SLC25A33: variants seen among roughly 807,000 people sequenced by gnomAD.
The protein encoded by SLC25A33 is solute carrier family 25 member 33.
In SLC25A33, 15 loss-of-function variants were observed where a neutral mutation model predicts 35.5. The observed-to-expected ratio is 0.42, with a 90% CI of 0.28 to 0.65. The LOEUF is 0.65. Among genes scored for constraint, SLC25A33 ranks in the 30% least tolerant of loss-of-function variants. The probability of loss-of-function intolerance (pLI) is 0.20; values close to 1 mark genes in which losing one functional copy is unlikely to be tolerated. For synonymous variants in SLC25A33, 136 were observed against 148.7 expected (o/e 0.91, Z 0.62); for missense variants, 257 against 398.5 (o/e 0.64, Z 3.02).
At chr1:9,567,961 A>C (rs1423131650) in intron 3 of SLC25A33, among the ~76,000 whole-genome samples, 1 of 152,238 alleles carries the variant, frequency 6.6e-6, no homozygotes, top group Non-Finnish European at 1.5e-5. Context: ...TCAGTTGCTC[A>C]GTCTTCATGT....
In SLC25A33 at chr1:9,573,427, G is replaced by T; in HGVS notation, c.482+15G>T. ...CTAGAACAGAAGTAAGTTATTATTT[G>T]TTCCTTCCTTAATGAAAGGATTTTT... On this transcript the variant is annotated intron_variant, in intron 5 of 6. Coordinates refer to ENST00000302692, the MANE Select transcript of SLC25A33 (RefSeq NM_032315.3). 2 of 1,603,174 alleles carry T rather than the reference G, an allele frequency of 1.2e-6. No homozygotes were observed. Among genetic ancestry groups the T allele is most frequent in the Non-Finnish European group, 1.7e-6 (2 of 1,173,044 alleles).
At chr1:9,558,097 G>C (rs1300257202) in intron 2 of SLC25A33, among the ~76,000 whole-genome samples, 1 of 152,154 alleles carries the variant, frequency 6.6e-6, no homozygotes, top group Non-Finnish European at 1.5e-5. Flanking sequence ...TTAGAGAAGA[G>C]GACATGCAGG....
intron 5 of SLC25A33, 36 bp downstream of exon 5, chr1:9,573,448 T>C: frequency 6.4e-7 from 1 of 1,561,832 alleles, no homozygotes; most frequent in Non-Finnish European, 8.8e-7. Flanking sequence ...AATGAAAGGA[T>C]TTTTGGGATT....
intron 1 of SLC25A33, among the ~76,000 whole-genome samples, chr1:9,540,471 A>T (rs1163073760): frequency 6.6e-6 from 1 of 152,060 alleles, no homozygotes; most frequent in Non-Finnish European, 1.5e-5. Context: ...ATGCATTTTT[A>T]GGAGGTTGAG....
Position 9,582,842 on chromosome 1 carries a change from C to A in SLC25A33, c.*341C>A. 4.5e-6 allele frequency: 1 copy of A among 219,898 alleles called. No individual in the cohort carries two copies. Among genetic ancestry groups the A allele is most frequent in the Non-Finnish European group, 9.0e-6 (1 of 111,222 alleles). The allele number at this position is 219,898 out of a possible 1,614,324, so 13.6% of individuals were successfully genotyped here. A position where few individuals can be genotyped will look rare whatever the true frequency, so the allele number is the denominator to read the frequency against. On this transcript the variant is annotated 3_prime_UTR_variant, in exon 7 of 7. Coordinates refer to ENST00000302692, the MANE Select transcript of SLC25A33 (RefSeq NM_032315.3). The surrounding 1 kb of genome is among the most constrained non-coding windows in gnomAD (Gnocchi z 4.0). ...ACTTAAGTAATTCAGATAAACCTGCCCTAGAACTGCAGAGAAAAATGATAA... is the reference window on the plus strand; with the variant it reads ...ACTTAAGTAATTCAGATAAACCTGCACTAGAACTGCAGAGAAAAATGATAA...
chr1:9,556,103 G>C, intron 2 of SLC25A33: 1 of 748,350 alleles, frequency 1.3e-6, no homozygotes, highest in East Asian at 1.3e-4. Flanking sequence ...TTTGCTCTCA[G>C]GACAGATCCG....
At position 9,546,743 on chromosome 1, in the gene SLC25A33, G is replaced by T. The variant is rs181885305; in HGVS notation, c.57-6883G>T. Among the ~76,000 whole-genome samples the T allele has an allele frequency of 1.3e-4, 20 of 152,094 alleles. No individual in the cohort carries two copies. The East Asian group carries it at 3.7e-3, about 28-fold the overall frequency. ...GTAATAGAAGATTCAACTTCAAACCGGCTTGCTTATGGGTACAAAAACCTG... is the reference window on the plus strand; with the variant it reads ...GTAATAGAAGATTCAACTTCAAACCTGCTTGCTTATGGGTACAAAAACCTG... On this transcript the variant is annotated intron_variant, in intron 1 of 6. Transcript: ENST00000302692.
intron 1 of SLC25A33, among the ~76,000 whole-genome samples, chr1:9,546,149 T>C (rs575944193): frequency 6.6e-6 from 1 of 151,416 alleles, no homozygotes; most frequent in Non-Finnish European, 1.5e-5. Flanking sequence ...AGATGTTTGC[T>C]GTGAAGGGAA....
chr1:9,576,659 G>T (rs1643664973), intron 5 of SLC25A33: 2 of 624,508 alleles, frequency 3.2e-6, no homozygotes, highest in East Asian at 4.0e-5. Context: ...ACGATCAAGG[G>T]TGTTACACTG....
chr1:9,562,901 TACTTTTTA>T (rs1643445084), intron 2 of SLC25A33, among the ~76,000 whole-genome samples: 1 of 149,234 alleles, frequency 6.7e-6, no homozygotes, highest in African/African-American at 2.4e-5. Flanking sequence ...TCTGACTTAC[TACTTTTTA>T]AAATAATAGC....
At chr1:9,563,270 A>G (rs914147021) in intron 2 of SLC25A33, among the ~76,000 whole-genome samples, 5 of 152,194 alleles carry the variant, frequency 3.3e-5, no homozygotes, top group African/African-American at 4.8e-5. Context: ...GTGAATAGAC[A>G]TAGTTTTACT....
Position 9,577,539 on chromosome 1 carries a change from CAG to C in SLC25A33, c.483-2414_483-2413del, listed in dbSNP as rs557345549. Among the ~76,000 whole-genome samples, 15 of 152,154 alleles carry C rather than the reference CAG, an allele frequency of 9.9e-5. No homozygotes were observed. The South Asian group carries it at 1.9e-3, about 19-fold the overall frequency. On this transcript the variant is annotated intron_variant, in intron 5 of 6. Coordinates refer to ENST00000302692, the MANE Select transcript of SLC25A33 (RefSeq NM_032315.3). ...TGGTTAGTTCTGGGGAGCCGTAAGA[CAG>C]GGAGTGTAGTTGGCGTGTAGTACGT...
At chr1:9,548,757 T>C (rs1643216471) in intron 1 of SLC25A33, among the ~76,000 whole-genome samples, 1 of 152,222 alleles carries the variant, frequency 6.6e-6, no homozygotes, top group Non-Finnish European at 1.5e-5. Context: ...ATTTTCCAAC[T>C]ATGTGAGGCT....
chr1:9,577,621 GCCCGATCCTT>G (rs1643679816), intron 5 of SLC25A33, among the ~76,000 whole-genome samples: 1 of 152,156 alleles, frequency 6.6e-6, no homozygotes, highest in Admixed American at 6.6e-5. Context: ...GAGCAGGGGA[GCCCGATCCTT>G]CCCAGGCCTG....
chr1:9,567,453 G>A, intron 3 of SLC25A33, 92 bp downstream of exon 3: 2 of 1,183,170 alleles, frequency 1.7e-6, no homozygotes, highest in East Asian at 2.4e-5. Context: ...AATGACCAGT[G>A]TCTTTTTCTA....
At chr1:9,551,251 T>C (rs1222745064) in intron 1 of SLC25A33, among the ~76,000 whole-genome samples, 2 of 151,992 alleles carry the variant, frequency 1.3e-5, no homozygotes, top group Non-Finnish European at 2.9e-5. Context: ...CTGGGACCTG[T>C]AGTCCCAACT....
intron 4 of SLC25A33, among the ~76,000 whole-genome samples, chr1:9,571,438 C>T (rs1025532050): frequency 3.3e-5 from 5 of 151,838 alleles, no homozygotes; most frequent in African/African-American, 1.2e-4. Flanking sequence ...GGACTATAGG[C>T]ACGTGTCACC....
chr1:9,567,378 C>T lies in SLC25A33; in HGVS notation c.314+17C>T. The T allele has an allele frequency of 6.2e-7, 1 of 1,610,424 alleles. No individual in the cohort carries two copies. The highest frequency in any genetic ancestry group is 1.3e-5 in the African/African-American group (1 of 74,978). On this transcript the variant is annotated intron_variant, in intron 3 of 6. Transcript: ENST00000302692. Reference sequence around the variant, plus strand: ...ACCATCAAGGTAAGCATTAAACTTTCCAGCTAGCTCATGCTAAGCAGTATG... The same window carrying T: ...ACCATCAAGGTAAGCATTAAACTTTTCAGCTAGCTCATGCTAAGCAGTATG...
In SLC25A33 at chr1:9,562,285, C is replaced by G. The variant is rs866271943; in HGVS notation, c.237-4999C>G. Among the ~76,000 whole-genome samples, 11 of 139,256 alleles carry G rather than the reference C, an allele frequency of 7.9e-5. 1 individual carries two copies. The highest frequency in any genetic ancestry group is 1.5e-4 in the Non-Finnish European group (10 of 65,192). The allele number at this position is 139,256 out of a possible 152,430, so 91.4% of individuals were successfully genotyped here. On this transcript the variant is annotated intron_variant, in intron 2 of 6. Coordinates refer to ENST00000302692, the MANE Select transcript of SLC25A33 (RefSeq NM_032315.3). ...ATCACTTGAGCCTGGGAGGCGGAGGCTGCAGTGAGCCGAGATGCAGCCACT... is the reference window on the plus strand; with the variant it reads ...ATCACTTGAGCCTGGGAGGCGGAGGGTGCAGTGAGCCGAGATGCAGCCACT...
Sources: gnomAD v4.1 joint callset for allele counts (sites outside exome capture counted in the v4.1 genomes callset) on GRCh38, gnomAD v4.1.1 for gene constraint, Gnocchi (gnomAD v3.1) non-coding constraint, MANE v1.5 for transcripts, NCBI Gene and HGNC (gene_info 2026-07-23, HGNC 2026-07-21) for gene names.